The following DAB1 variants were observed in gnomAD, a reference collection of about 807,000 sequenced individuals.
DAB1 encodes disabled homolog 1.
In DAB1, 15 loss-of-function variants were observed where a neutral mutation model predicts 64.6. The ratio of observed to expected loss-of-function variants is 0.23; its 90% confidence interval spans 0.16 to 0.36. The LOEUF (loss-of-function observed/expected upper bound fraction) is 0.36, where lower values mean the gene tolerates loss of function less well. Among genes scored for constraint, DAB1 ranks in the 10% least tolerant of loss-of-function variants. DAB1 has a pLI of 1.00. For missense variants in DAB1, 596 were observed against 706.7 expected, an observed-to-expected ratio of 0.84 and a Z score of 1.78; for synonymous variants, 235 against 251.9, an observed-to-expected ratio of 0.93 and a Z score of 0.64.
intron 6 of DAB1, among the ~76,000 whole-genome samples, chr1:57,695,435 A>G (rs968806467): frequency 4.1e-5 from 6 of 148,060 alleles, no homozygotes; most frequent in South Asian, 2.2e-4. Context: ...AAAGAAAGAA[A>G]AAAGAAGAAA....
intron 3 of DAB1, among the ~76,000 whole-genome samples, chr1:58,379,370 A>G (rs891908566): frequency 2.0e-5 from 3 of 152,232 alleles, no homozygotes; most frequent in Non-Finnish European, 4.4e-5. Flanking sequence ...GCTCTATGAA[A>G]TACAAAATTT....
Position 57,286,832 on chromosome 1 carries a change from G to A in DAB1, c.67+4132C>T, listed in dbSNP as rs564171575. 2.5e-3 allele frequency among the ~76,000 whole-genome samples: 377 copies of A among 152,108 alleles called. 4 individuals carry two copies. The highest frequency in any genetic ancestry group is 8.7e-3 in the African/African-American group (360 of 41,524). Reference sequence around the variant, plus strand: ...TACAAAAACCATTCCTTAACCTAACGAATCAAACCCACCAGGGTGTAGAAA... The same window carrying A: ...TACAAAAACCATTCCTTAACCTAACAAATCAAACCCACCAGGGTGTAGAAA... On this transcript the variant is annotated intron_variant, in intron 2 of 14. Transcript: ENST00000371236.
chr1:57,287,185 A>G (rs1252068057), intron 2 of DAB1, among the ~76,000 whole-genome samples: 1 of 152,036 alleles, frequency 6.6e-6, no homozygotes, highest in Non-Finnish European at 1.5e-5. Flanking sequence ...CATCCTCCCA[A>G]CTCAGCCTCC....
intron 6 of DAB1, among the ~76,000 whole-genome samples, chr1:57,733,479 TAAG>T (rs1245857464): frequency 1.3e-5 from 2 of 152,052 alleles, no homozygotes; most frequent in African/African-American, 2.4e-5. Context: ...ACTTAATATG[TAAG>T]AAGACTTATG....
At chr1:58,108,455 A>G (rs1175259661) in intron 5 of DAB1, among the ~76,000 whole-genome samples, 3 of 152,252 alleles carry the variant, frequency 2.0e-5, no homozygotes, top group Non-Finnish European at 4.4e-5. Context: ...TGATGAAGCC[A>G]GGTACTCGAC....
At chr1:58,235,881 A>C (rs1326842630) in intron 4 of DAB1, among the ~76,000 whole-genome samples, 1 of 152,208 alleles carries the variant, frequency 6.6e-6, no homozygotes, top group Non-Finnish European at 1.5e-5. Context: ...CCAAAGAGAG[A>C]GAGGTCTTCT....
At chr1:58,028,759 A>C (rs1484478832) in intron 5 of DAB1, among the ~76,000 whole-genome samples, 1 of 152,182 alleles carries the variant, frequency 6.6e-6, no homozygotes, top group East Asian at 1.9e-4. Context: ...TCAAATTTGC[A>C]AATGTGGAAT....
At chr1:58,247,267 G>GC (rs1660587510) in intron 4 of DAB1, among the ~76,000 whole-genome samples, 1 of 71,614 alleles carries the variant, frequency 1.4e-5, no homozygotes, top group Admixed American at 1.8e-4. Flanking sequence ...TTCCCCCCCC[G>GC]CCAGGTTAAA....
intron 2 of DAB1, among the ~76,000 whole-genome samples, chr1:57,243,015 T>A (rs1668605484): frequency 6.6e-6 from 1 of 151,534 alleles, no homozygotes; most frequent in African/African-American, 2.4e-5. Flanking sequence ...TAAATACTTG[T>A]TGAATTGACC....
chr1:58,121,718 A>T (rs1052602617), intron 5 of DAB1, among the ~76,000 whole-genome samples: 14 of 152,220 alleles, frequency 9.2e-5, no homozygotes, highest in South Asian at 6.2e-4. Flanking sequence ...CACACTACAC[A>T]GGTGTGTCCC....
chr1:58,410,364 C>T (rs967619972), intron 3 of DAB1, among the ~76,000 whole-genome samples: 2 of 152,186 alleles, frequency 1.3e-5, no homozygotes, highest in African/African-American at 4.8e-5. Flanking sequence ...GGGAATGGCT[C>T]CTTCATCCTG....
chr1:58,010,630 A>C (rs1382717301), intron 5 of DAB1, among the ~76,000 whole-genome samples: 1 of 152,194 alleles, frequency 6.6e-6, no homozygotes, highest in Non-Finnish European at 1.5e-5. Context: ...GTCCACTTCA[A>C]TTATTTGCTT....
At chr1:57,116,778 C>T (rs1656175625) in intron 4 of DAB1, among the ~76,000 whole-genome samples, 3 of 152,184 alleles carry the variant, frequency 2.0e-5, no homozygotes, top group African/African-American at 4.8e-5. Context: ...TACTAGGATA[C>T]CTGCCATCCT....
intron 5 of DAB1, among the ~76,000 whole-genome samples, chr1:58,025,429 G>A (rs1646874691): frequency 6.6e-6 from 1 of 151,686 alleles, no homozygotes; most frequent in African/African-American, 2.4e-5. Context: ...AAGTGGTTTG[G>A]TTGAGAAAAC....
chr1:57,367,147 C>T (rs1384594954), intron 1 of DAB1, among the ~76,000 whole-genome samples: 1 of 148,848 alleles, frequency 6.7e-6, no homozygotes, highest in Non-Finnish European at 1.5e-5. Flanking sequence ...TGGTGCCATA[C>T]ATCTGTAATC....
chr1:57,219,823 A>G (rs921747310), intron 2 of DAB1, among the ~76,000 whole-genome samples: 3 of 152,162 alleles, frequency 2.0e-5, no homozygotes, highest in African/African-American at 4.8e-5. Context: ...CCCAAGCTCC[A>G]CAAAATGAAC....
At chr1:58,438,548 C>A (rs1331023194) in intron 3 of DAB1, among the ~76,000 whole-genome samples, 1 of 152,154 alleles carries the variant, frequency 6.6e-6, no homozygotes, top group Non-Finnish European at 1.5e-5. Flanking sequence ...CTCGACTCCG[C>A]CCCTGCCCTC....
At chr1:58,074,592 A>T (rs1649525084) in intron 5 of DAB1, among the ~76,000 whole-genome samples, 1 of 108,398 alleles carries the variant, frequency 9.2e-6, no homozygotes, top group Admixed American at 1.0e-4. Flanking sequence ...ATATATATAT[A>T]TATTTGAGAA....
intron 4 of DAB1, among the ~76,000 whole-genome samples, chr1:58,334,661 T>C (rs1471272723): frequency 6.7e-6 from 1 of 148,336 alleles, no homozygotes; most frequent in African/African-American, 2.5e-5. Flanking sequence ...CATATTATAT[T>C]ATATTATATT....
Sources: allele counts gnomAD v4.1 joint callset (sites outside exome capture counted in the v4.1 genomes callset), GRCh38; gene constraint gnomAD v4.1.1; transcripts MANE v1.5; gene names NCBI Gene and HGNC (gene_info 2026-07-23, HGNC 2026-07-21).